LPP: variants seen among roughly 807,000 people sequenced by gnomAD.
LPP encodes lipoma-preferred partner.
LPP carries 38 observed loss-of-function variants against 60.4 expected under a neutral mutation model. The observed-to-expected ratio is 0.63, with a 90% CI of 0.49 to 0.83. The LOEUF (loss-of-function observed/expected upper bound fraction) is 0.83. Among genes scored for constraint, LPP ranks in the 40% least tolerant of loss-of-function variants. LPP has a pLI of 0.00. For synonymous variants in LPP, 328 were observed against 290.8 expected (o/e 1.13, Z -1.30); for missense variants, 902 against 783.6 (o/e 1.15, Z -1.80).
chr3:188,394,473 C>T (rs1284663908), intron 3 of LPP, among the ~76,000 whole-genome samples: 1 of 151,876 alleles, frequency 6.6e-6, no homozygotes, highest in African/African-American at 2.4e-5. Context: ...TCTTCATTAA[C>T]AATTTCACAC....
At chr3:188,279,119 A>T (rs1348965998) in intron 2 of LPP, among the ~76,000 whole-genome samples, 1 of 152,110 alleles carries the variant, frequency 6.6e-6, no homozygotes, top group African/African-American at 2.4e-5. Context: ...ACTGCCTCCC[A>T]TGGATTAGTA....
intron 2 of LPP, among the ~76,000 whole-genome samples, chr3:188,291,518 C>T (rs1366834830): frequency 3.3e-5 from 5 of 151,700 alleles, no homozygotes; most frequent in African/African-American, 4.8e-5. Context: ...TGGTGGTGGG[C>T]GCCTGTAGTC....
chr3:188,302,514 A>G (rs1750217484), intron 2 of LPP, among the ~76,000 whole-genome samples: 1 of 152,220 alleles, frequency 6.6e-6, no homozygotes, highest in Non-Finnish European at 1.5e-5. Context: ...ATGTGGATAT[A>G]AGATTGCATT....
At chr3:188,703,158 A>G (rs1864820703) in intron 7 of LPP, among the ~76,000 whole-genome samples, 1 of 152,218 alleles carries the variant, frequency 6.6e-6, no homozygotes, top group Non-Finnish European at 1.5e-5. Flanking sequence ...TACAGTGAAT[A>G]TGTTGCTGAT....
At chr3:188,827,136 A>C (rs1229262398) in intron 9 of LPP, among the ~76,000 whole-genome samples, 1 of 152,172 alleles carries the variant, frequency 6.6e-6, no homozygotes, top group African/African-American at 2.4e-5. Flanking sequence ...CATGAACATC[A>C]AAAGAATCTA....
intron 5 of LPP, among the ~76,000 whole-genome samples, chr3:188,512,612 C>T (rs998989178): frequency 2.0e-5 from 3 of 150,960 alleles, no homozygotes; most frequent in South Asian, 2.1e-4. Flanking sequence ...ACCCTCTGTA[C>T]GTTTCCATGG....
chr3:188,481,549 T>G (rs1213866496), intron 4 of LPP, among the ~76,000 whole-genome samples: 1 of 152,214 alleles, frequency 6.6e-6, no homozygotes, highest in Non-Finnish European at 1.5e-5. Context: ...CCTCACTGTG[T>G]CTGAGTTCTA....
intron 9 of LPP, among the ~76,000 whole-genome samples, chr3:188,795,755 G>A (rs1353083301): frequency 1.3e-5 from 2 of 152,018 alleles, no homozygotes; most frequent in Non-Finnish European, 2.9e-5. Context: ...ATACTTTCCT[G>A]CAATTTTCCA....
At chr3:188,482,146 C>T (rs1416560743) in intron 4 of LPP, among the ~76,000 whole-genome samples, 1 of 152,180 alleles carries the variant, frequency 6.6e-6, no homozygotes, top group Non-Finnish European at 1.5e-5. Context: ...CTTGCTTCCC[C>T]TTCACCTTCT....
chr3:188,275,988 T>C (rs1316624155), intron 2 of LPP, among the ~76,000 whole-genome samples: 1 of 152,230 alleles, frequency 6.6e-6, no homozygotes, highest in African/African-American at 2.4e-5. Context: ...GGAACTTTTC[T>C]AGGTGCTGCT....
At chr3:188,473,912 T>G (rs1463030729) in intron 4 of LPP, among the ~76,000 whole-genome samples, 1 of 152,192 alleles carries the variant, frequency 6.6e-6, no homozygotes, top group African/African-American at 2.4e-5. Flanking sequence ...GAAGACTCTG[T>G]TCCTATACTT....
intron 7 of LPP, among the ~76,000 whole-genome samples, chr3:188,682,059 G>A (rs991243048): frequency 2.6e-5 from 4 of 152,198 alleles, no homozygotes; most frequent in African/African-American, 7.2e-5. Context: ...CCCGTGAAGT[G>A]AATACCGTAT....
chr3:188,447,408 G>A (rs1179042745), intron 4 of LPP, among the ~76,000 whole-genome samples: 1 of 151,978 alleles, frequency 6.6e-6, no homozygotes, highest in Non-Finnish European at 1.5e-5. Flanking sequence ...TCAGGAGATC[G>A]AGACCAGCCT....
At chr3:188,570,232 T>A (rs1255813157) in intron 6 of LPP, among the ~76,000 whole-genome samples, 3 of 151,850 alleles carry the variant, frequency 2.0e-5, no homozygotes, top group African/African-American at 7.3e-5. Flanking sequence ...TACCCTGGAG[T>A]TCTGTCTTGC....
At chr3:188,194,305 T>C (rs1728953601) in intron 1 of LPP, among the ~76,000 whole-genome samples, 1 of 152,250 alleles carries the variant, frequency 6.6e-6, no homozygotes, top group African/African-American at 2.4e-5. Flanking sequence ...ATTTCCCAGA[T>C]ATTTCTGTGT....
At chr3:188,312,457 A>C (rs1027797007) in intron 2 of LPP, among the ~76,000 whole-genome samples, 5 of 152,228 alleles carry the variant, frequency 3.3e-5, no homozygotes, top group African/African-American at 1.2e-4. Flanking sequence ...GATTAAAATA[A>C]AAAGTTTTAT....
chr3:188,308,447 C>T lies in LPP; in HGVS notation c.-66-33216C>T, dbSNP rs148755447. 2.3e-3 allele frequency among the ~76,000 whole-genome samples: 351 copies of T among 152,248 alleles called. 3 individuals carry two copies. The South Asian group carries it at 0.025, about 11-fold the overall frequency. On this transcript the variant is annotated intron_variant, in intron 2 of 11. Coordinates refer to ENST00000617246, the MANE Select transcript of LPP (RefSeq NM_001375462.1). ...TTAAACAAAAACAAATCATTTGGAA[C>T]GTTAGGATTTAAACAGTTACTGATA...
intron 9 of LPP, among the ~76,000 whole-genome samples, chr3:188,770,168 CTTTTTTT>C (rs57278260): frequency 4.6e-4 from 30 of 64,626 alleles, no homozygotes; most frequent in Admixed American, 4.8e-4. Context: ...AGTTATAATT[CTTTTTTT>C]TTTTTTTTTT....
At chr3:188,520,991 A>G (rs1303980360) in intron 5 of LPP, among the ~76,000 whole-genome samples, 1 of 152,156 alleles carries the variant, frequency 6.6e-6, no homozygotes, top group Non-Finnish European at 1.5e-5. Flanking sequence ...AGGGATTGAG[A>G]GTAGCAAGAT....
Sources: gnomAD v4.1 joint callset for allele counts (sites outside exome capture counted in the v4.1 genomes callset) on GRCh38, gnomAD v4.1.1 for gene constraint, MANE v1.5 for transcripts, NCBI Gene and HGNC (gene_info 2026-07-23, HGNC 2026-07-21) for gene names.